The following TERB1 variants were observed in gnomAD, a reference collection of about 807,000 sequenced individuals.
The protein encoded by TERB1 is telomere repeats-binding bouquet formation protein 1.
In TERB1, 63 loss-of-function variants were observed where a neutral mutation model predicts 92.3. The ratio of observed to expected loss-of-function variants is 0.68; its 90% CI spans 0.56 to 0.84. The LOEUF (loss-of-function observed/expected upper bound fraction) is 0.84. Ranked by LOEUF, TERB1 falls within the 40% of genes least tolerant of loss-of-function variation. The probability of loss-of-function intolerance (pLI) is 0.00; values close to 1 mark genes in which losing one functional copy is unlikely to be tolerated. For missense variants in TERB1, 709 were observed against 843.7 expected (o/e 0.84, Z 1.98); for synonymous variants, 252 against 283.9 (o/e 0.89, Z 1.13).
chr16:66,796,636 G>A lies in TERB1; in HGVS notation c.31+132C>T, dbSNP rs2145261293. On this transcript the variant is annotated intron_variant, in intron 3 of 18. Transcript: ENST00000433154. Reference sequence around the variant, plus strand: ...CCTGAAGCCAGAAATTATGTGACAGGCACAGAGTAGTGCTCAATAGTTATG... The same window carrying A: ...CCTGAAGCCAGAAATTATGTGACAGACACAGAGTAGTGCTCAATAGTTATG... 1.5e-5 allele frequency: 9 copies of A among 611,054 alleles called. No individual in the cohort carries two copies. In the South Asian group the frequency reaches 2.3e-4, roughly 15 times the overall value. The allele number at this position is 611,054 out of a possible 1,614,324, so 37.9% of individuals were successfully genotyped here.
intron 3 of TERB1, among the ~76,000 whole-genome samples, chr16:66,794,879 C>T (rs1184673532): frequency 4.7e-5 from 7 of 147,974 alleles, no homozygotes; most frequent in Admixed American, 3.4e-4. Context: ...CACTGCACTC[C>T]AGCCTGGGCG....
chr16:66,775,709 ATTTT>A (rs201460994), intron 11 of TERB1, among the ~76,000 whole-genome samples: 2 of 129,596 alleles, frequency 1.5e-5, no homozygotes, highest in African/African-American at 2.9e-5. Context: ...TTTCAAAAGG[ATTTT>A]TTTTTTTTTT....
intron 10 of TERB1, among the ~76,000 whole-genome samples, 171 bp downstream of exon 10, chr16:66,778,692 A>G (rs1426563331): frequency 2.0e-5 from 3 of 152,236 alleles, no homozygotes; most frequent in Non-Finnish European, 4.4e-5. Flanking sequence ...TGCTGGGATT[A>G]CAGGCATGAG....
chr16:66,797,422 A>G (rs1959202899), intron 2 of TERB1, among the ~76,000 whole-genome samples: 1 of 151,792 alleles, frequency 6.6e-6, no homozygotes, highest in Non-Finnish European at 1.5e-5. Context: ...TTTTTTGTAG[A>G]GACGGGGTTT....
In TERB1 at chr16:66,796,299, C is replaced by T. The variant is rs574714608; in HGVS notation, c.31+469G>A. ...AGCATTCTCGTAAGGTTCTGATTTC[C>T]AAGATACCACATTCCTCTCTTTTCA... On this transcript the variant is annotated intron_variant, in intron 3 of 18. Coordinates refer to ENST00000433154, the MANE Select transcript of TERB1 (RefSeq NM_001136505.2). Among the ~76,000 whole-genome samples, 18 of 152,288 alleles carry T rather than the reference C, an allele frequency of 1.2e-4. No individual in the cohort carries two copies. The South Asian group carries it at 1.2e-3, about 11-fold the overall frequency.
At chr16:66,789,306 C>T (rs1423366720) in intron 5 of TERB1, among the ~76,000 whole-genome samples, 1 of 38,370 alleles carries the variant, frequency 2.6e-5, no homozygotes, top group Non-Finnish European at 4.4e-5. Flanking sequence ...AAAATTCGGC[C>T]GGGCGCGGTG....
At chr16:66,775,605 G>A (rs2018533398) in intron 11 of TERB1, among the ~76,000 whole-genome samples, 2 of 151,896 alleles carry the variant, frequency 1.3e-5, no homozygotes, top group Non-Finnish European at 1.5e-5. Flanking sequence ...TTGTACTCCA[G>A]TTTGGGCAAC....
chr16:66,756,418 A>G (rs541266443), intron 18 of TERB1, among the ~76,000 whole-genome samples: 1 of 152,336 alleles, frequency 6.6e-6, no homozygotes, highest in African/African-American at 2.4e-5. Flanking sequence ...AGCAATTTTG[A>G]TCTATTTTAT....
chr16:66,783,715 C>A (rs1157182293), intron 9 of TERB1, among the ~76,000 whole-genome samples: 1 of 151,976 alleles, frequency 6.6e-6, no homozygotes, highest in African/African-American at 2.4e-5. Context: ...TTTTGTTTTG[C>A]GTTTTGTTGT....
chr16:66,793,857 T>G (rs147933859), intron 3 of TERB1, among the ~76,000 whole-genome samples: 5 of 152,210 alleles, frequency 3.3e-5, no homozygotes, highest in Admixed American at 6.5e-5. Context: ...TTTGTTTCAA[T>G]GAAATAATTC....
intron 18 of TERB1, among the ~76,000 whole-genome samples, chr16:66,755,847 T>C (rs1384990400): frequency 1.3e-5 from 2 of 152,170 alleles, no homozygotes; most frequent in Non-Finnish European, 2.9e-5. Flanking sequence ...AAGGGCTCCA[T>C]AACTTGATAG....
Position 66,754,963 on chromosome 16 carries a change from A to C in TERB1, c.*13T>G. On this transcript the variant is annotated 3_prime_UTR_variant, in exon 19 of 19. Transcript: ENST00000433154. ...TTAAGAATCCAAACTAAAAACTGAC[A>C]GTCTTCTTTCAATCAAGAAGCTGCA... The C allele has an allele frequency of 6.5e-7, 1 of 1,536,246 alleles. No homozygotes were observed. Among genetic ancestry groups the C allele is most frequent in the Non-Finnish European group, 8.7e-7 (1 of 1,143,156 alleles).
chr16:66,782,356 C>G (rs374628875), intron 9 of TERB1, among the ~76,000 whole-genome samples: 24 of 152,112 alleles, frequency 1.6e-4, no homozygotes, highest in African/African-American at 5.8e-4. Flanking sequence ...TCAAGACCAG[C>G]CTGGCCAACA....
intron 16 of TERB1, among the ~76,000 whole-genome samples, chr16:66,760,933 G>A (rs1260654903): frequency 7.3e-6 from 1 of 137,806 alleles, no homozygotes; most frequent in African/African-American, 2.8e-5. Context: ...CCAATATGGC[G>A]AAACCCCGTC....
rs768071985 is a variant in TERB1, at chr16:66,759,156, G to A, written c.1915C>T (p.Leu639Phe). The A allele has an allele frequency of 1.3e-6, 2 of 1,542,182 alleles. No homozygotes were observed. The highest frequency in any genetic ancestry group is 2.5e-5 in the South Asian group (2 of 81,266). Residue 639 changes from leucine to phenylalanine, a missense_variant, in exon 17 of 19, where the codon CTT (leucine) becomes TTT (phenylalanine). Physicochemically the swap from Leu to Phe is conservative, Grantham distance 22. Transcript: ENST00000433154. ...DRYKSELRKS[L>F]ICNKKILLTP... ...AATTAATTACTTTTGTTACAGATAA[G>A]TGATTTCCTTAGTTCACTTTTATAT...
chr16:66,759,098 G>A, intron 17 of TERB1, 43 bp downstream of exon 17: 1 of 1,421,580 alleles, frequency 7.0e-7, no homozygotes, highest in African/African-American at 1.4e-5. Flanking sequence ...TAGTTCAGAA[G>A]GTATAGCCAT....
rs571194315 is a variant in TERB1, at chr16:66,771,571, T to C, written c.1272+1018A>G. On this transcript the variant is annotated intron_variant, in intron 13 of 18. Coordinates refer to ENST00000433154, the MANE Select transcript of TERB1 (RefSeq NM_001136505.2). ...ACCAATCCCCCATAGATACCAAGGG[T>C]TGACTGTACTTTAAATGGGTGAACT... Among the ~76,000 whole-genome samples, 31 of 151,972 alleles carry C rather than the reference T, an allele frequency of 2.0e-4. No individual in the cohort carries two copies. The South Asian group carries it at 4.2e-3, about 20-fold the overall frequency.
chr16:66,775,299 G>A (rs2018527387), intron 11 of TERB1, 56 bp from the exon 12 acceptor site: 8 of 1,421,668 alleles, frequency 5.6e-6, no homozygotes, highest in Admixed American at 4.4e-5. Context: ...TCTATATGAG[G>A]TCATAATTCT....
At chr16:66,798,169 A>T (rs947513205) in intron 2 of TERB1, among the ~76,000 whole-genome samples, 1 of 144,794 alleles carries the variant, frequency 6.9e-6, no homozygotes, top group Admixed American at 7.2e-5. Flanking sequence ...ATGTACAAGT[A>T]TATTATTTTT....
Sources: gnomAD v4.1 joint callset for allele counts (sites outside exome capture counted in the v4.1 genomes callset) on GRCh38, gnomAD v4.1.1 for gene constraint, MANE v1.5 for transcripts, NCBI Gene and HGNC (gene_info 2026-07-23, HGNC 2026-07-21) for gene names.